The following PSMD4 variants were observed in gnomAD, a reference collection of about 807,000 sequenced individuals.
PSMD4 encodes the protein 26S proteasome non-ATPase regulatory subunit 4.
In PSMD4, 5 loss-of-function variants were observed where a neutral mutation model predicts 39.7. The ratio of observed to expected loss-of-function variants is 0.13; its 90% CI spans 0.07 to 0.26. PSMD4 has a LOEUF of 0.26. PSMD4 is among the 10% of genes least tolerant of loss of function. The probability of loss-of-function intolerance (pLI) is 1.00; values close to 1 mark genes in which losing one functional copy is unlikely to be tolerated. For synonymous variants in PSMD4, 143 were observed against 174.6 expected (o/e 0.82, Z 1.43); for missense variants, 272 against 486.1 (o/e 0.56, Z 4.14).
chr1:151,265,120 C>A (rs201818979), intron 4 of PSMD4, 46 bp from the exon 5 acceptor site: 3 of 1,458,230 alleles, frequency 2.1e-6, no homozygotes, highest in South Asian at 1.2e-5. Context: ...CTTTCCCCCC[C>A]TCGAGTATGG....
intron 1 of PSMD4, among the ~76,000 whole-genome samples, chr1:151,261,814 G>C (rs755503625): frequency 6.6e-6 from 1 of 151,978 alleles, no homozygotes; most frequent in Non-Finnish European, 1.5e-5. Context: ...AAAGGTAGCT[G>C]CGTGGTGGCT....
intron 3 of PSMD4, among the ~76,000 whole-genome samples, chr1:151,264,551 C>G (rs1249392599): frequency 1.3e-5 from 2 of 150,642 alleles, no homozygotes; most frequent in African/African-American, 4.9e-5. Flanking sequence ...GTGGAGGTTG[C>G]AGTGAACTGA....
At chr1:151,265,314 C>T (rs891226518) in intron 5 of PSMD4, 80 bp downstream of exon 5, 9 of 1,592,728 alleles carry the variant, frequency 5.7e-6, no homozygotes, top group Middle Eastern at 1.7e-4. Flanking sequence ...AGTGCGGGTA[C>T]TGTGGCAGAG....
chr1:151,256,357 T>TA (rs1432362980), intron 1 of PSMD4, among the ~76,000 whole-genome samples: 30 of 92,962 alleles, frequency 3.2e-4, no homozygotes, highest in African/African-American at 9.8e-4. Flanking sequence ...AAAAAAAAAA[T>TA]AATAATAAAA....
chr1:151,256,366 AATAAATAAAT>A (rs1693169753), intron 1 of PSMD4, among the ~76,000 whole-genome samples: 2 of 130,700 alleles, frequency 1.5e-5, no homozygotes, highest in South Asian at 2.3e-4. Context: ...ATAATAATAA[AATAAATAAAT>A]AAATAAATAA....
rs1693123510 is a variant in PSMD4 at position 151,254,764 on chromosome 1, G to C, written c.-19G>C. The C allele has an allele frequency of 8.3e-6, 13 of 1,560,744 alleles. No individual in the cohort carries two copies. The highest frequency in any genetic ancestry group is 1.0e-5 in the Non-Finnish European group (12 of 1,153,646). ...TAGGCCGTCCCGGAGACCCGGTCGG[G>C]AGGGAGGAAGGTGGCAAGATGGTGT... On this transcript the variant is annotated 5_prime_UTR_variant, in exon 1 of 10. Coordinates refer to ENST00000368884, the MANE Select transcript of PSMD4 (RefSeq NM_002810.4).
chr1:151,262,371 C>T (rs1051786922), intron 2 of PSMD4, 70 bp downstream of exon 2: 2 of 1,584,294 alleles, frequency 1.3e-6, no homozygotes, highest in African/African-American at 2.7e-5. Flanking sequence ...CTTTAGATTC[C>T]ATGAAGCTGC....
intron 1 of PSMD4, among the ~76,000 whole-genome samples, chr1:151,256,971 ACTCCCACC>A (rs1186967842): frequency 6.8e-6 from 1 of 146,318 alleles, no homozygotes; most frequent in African/African-American, 2.6e-5. Context: ...CTGGTCTCGA[ACTCCCACC>A]CTCAGGTGAT....
chr1:151,256,372 T>A (rs201946832), intron 1 of PSMD4, among the ~76,000 whole-genome samples: 7,627 of 125,528 alleles, frequency 0.061, 597 homozygotes, highest in East Asian at 0.24. Context: ...ATAAAATAAA[T>A]AAATAAATAA....
intron 3 of PSMD4, 56 bp downstream of exon 3, chr1:151,264,084 A>G: frequency 7.6e-7 from 1 of 1,313,336 alleles, no homozygotes; most frequent in South Asian, 1.3e-5. Flanking sequence ...TCCTGCCTCC[A>G]TCATACTCAT....
intron 6 of PSMD4, 76 bp downstream of exon 6, chr1:151,265,685 C>G (rs1181019557): frequency 6.8e-7 from 1 of 1,478,262 alleles, no homozygotes; most frequent in African/African-American, 1.4e-5. Context: ...CACAGAGCTT[C>G]TATCAGGCTG....
intron 2 of PSMD4, 103 bp downstream of exon 2, chr1:151,262,404 C>T: frequency 1.4e-6 from 2 of 1,393,322 alleles, no homozygotes; most frequent in East Asian, 2.3e-5. Flanking sequence ...CCTTCCTAGA[C>T]TGCCTTCTGC....
chr1:151,255,301 T>C (rs1368637191), intron 1 of PSMD4, among the ~76,000 whole-genome samples: 1 of 152,228 alleles, frequency 6.6e-6, no homozygotes, highest in Admixed American at 6.5e-5. Flanking sequence ...ATCTCACTTA[T>C]ACCTCACAAC....
intron 2 of PSMD4, 38 bp downstream of exon 2, chr1:151,262,339 G>A (rs1462941835): frequency 1.2e-6 from 2 of 1,613,158 alleles, no homozygotes; most frequent in Non-Finnish European, 8.5e-7. Flanking sequence ...CAGTAGGTGG[G>A]TGGTTGTTAC....
intron 1 of PSMD4, among the ~76,000 whole-genome samples, chr1:151,256,141 A>G (rs587605372): frequency 1.3e-5 from 2 of 151,590 alleles, no homozygotes; most frequent in East Asian, 3.9e-4. Context: ...GTCAGGAGTT[A>G]CTGACCAGCC....
At chr1:151,254,944 CT>C in intron 1 of PSMD4, 136 bp downstream of exon 1, 1 of 1,102,980 alleles carries the variant, frequency 9.1e-7, no homozygotes, top group Non-Finnish European at 1.2e-6. Flanking sequence ...AAGGAGCCCG[CT>C]GGACTCCCTG....
intron 1 of PSMD4, chr1:151,259,027 AACATAGTG>A (rs1381741753): frequency 6.6e-6 from 1 of 152,346 alleles, no homozygotes. Context: ...CAACCTGGCC[AACATAGTG>A]AAACCCCGTC....
intron 1 of PSMD4, among the ~76,000 whole-genome samples, chr1:151,255,918 A>G (rs766236501): frequency 2.0e-5 from 3 of 151,398 alleles, no homozygotes; most frequent in Admixed American, 6.6e-5. Flanking sequence ...TTATTTTTTT[A>G]GTTTTTAGTA....
At chr1:151,262,767 G>A (rs1050291245) in intron 2 of PSMD4, 14 of 164,746 alleles carry the variant, frequency 8.5e-5, no homozygotes, top group African/African-American at 2.9e-4. Flanking sequence ...CTCGGGAGGC[G>A]GAGGTTGCAG....
Sources: allele counts gnomAD v4.1 joint callset (sites outside exome capture counted in the v4.1 genomes callset), GRCh38; gene constraint gnomAD v4.1.1; transcripts MANE v1.5; gene names NCBI Gene and HGNC (gene_info 2026-07-23, HGNC 2026-07-21).